The following LRR1 variants were observed in gnomAD, a reference collection of about 807,000 sequenced individuals.
LRR1 encodes the protein leucine-rich repeat protein 1.
LRR1 carries 29 observed loss-of-function variants against 31.6 expected under a neutral mutation model. The observed-to-expected ratio is 0.92, with a 90% CI of 0.68 to 1.25. The LOEUF (loss-of-function observed/expected upper bound fraction) is 1.25, where lower values mean the gene tolerates loss of function less well. Among genes scored for constraint, LRR1 ranks in the 50% most tolerant of loss-of-function variants. LRR1 has a pLI of 0.00. For missense variants in LRR1, 485 were observed against 487.2 expected (o/e 1.00, Z 0.04); for synonymous variants, 179 against 181.4 (o/e 0.99, Z 0.10).
At chr14:49,607,322 G>A (rs1385414146) in intron 2 of LRR1, 78 bp from the exon 3 acceptor site, 5 of 1,358,704 alleles carry the variant, frequency 3.7e-6, no homozygotes, top group African/African-American at 2.9e-5. Context: ...TAATGCCATA[G>A]AATTTGTTAT....
chr14:49,603,002 A>ATTTTTT (rs34024087), intron 2 of LRR1, among the ~76,000 whole-genome samples: 1 of 139,536 alleles, frequency 7.2e-6, no homozygotes. Flanking sequence ...TGCGTGGCTG[A>ATTTTTT]TTTTTTTTTT....
rs1207260929 is a variant in LRR1 at position 49,599,196 on chromosome 14, G to A, written c.176G>A (p.Arg59His). 1 of 1,604,104 alleles carries A rather than the reference G, an allele frequency of 6.2e-7. No homozygotes were observed. The highest frequency in any genetic ancestry group is 8.5e-7 in the Non-Finnish European group (1 of 1,175,794). The stretch of plus-strand genomic sequence containing the variant: ...ACCCTGAAGGACAAGCGCGGGACCC[G>A]CTATGAGGTGCGTGAAGTGGGCAGG... ...ISTLKDKRGT[R>H]YELRENIEQF... The change falls in exon 1 of 4, where the codon CGC becomes CAC. Residue 59 changes from arginine (R) to histidine (H), a missense_variant. By Grantham distance (29) the Arg-to-His change is conservative. Transcript: ENST00000298288.
intron 1 of LRR1, chr14:49,601,762 A>T: frequency 1.9e-5 from 19 of 990,356 alleles, no homozygotes; most frequent in Non-Finnish European, 2.5e-5. Context: ...TACTGGACAG[A>T]CAGAGCAGTA....
intron 3 of LRR1, chr14:49,612,588 A>T: frequency 8.6e-7 from 1 of 1,165,124 alleles, no homozygotes; most frequent in African/African-American, 1.6e-5. Flanking sequence ...AAAATTTAAA[A>T]ATTGCAAATA....
chr14:49,608,943 C>G (rs1347193770), intron 3 of LRR1, among the ~76,000 whole-genome samples: 2 of 110,198 alleles, frequency 1.8e-5, no homozygotes, highest in Admixed American at 2.8e-4. Context: ...GAGTCTCACT[C>G]TGTCGCCCAG....
chr14:49,603,456 A>T, intron 2 of LRR1: 1 of 283,238 alleles, frequency 3.5e-6, no homozygotes, highest in South Asian at 8.3e-5. Flanking sequence ...TGTTGTAATA[A>T]AAGAGGAAAA....
intron 2 of LRR1, among the ~76,000 whole-genome samples, chr14:49,603,902 C>G (rs1481982085): frequency 6.0e-5 from 9 of 150,178 alleles, no homozygotes; most frequent in African/African-American, 2.2e-4. Context: ...CATGTTGGCC[C>G]GGCTGGTCTC....
intron 2 of LRR1, among the ~76,000 whole-genome samples, chr14:49,603,829 A>G (rs576175664): frequency 3.3e-5 from 5 of 151,132 alleles, no homozygotes; most frequent in African/African-American, 1.2e-4. Context: ...AGTAGCTGGG[A>G]TTACAGGCAC....
intron 3 of LRR1, chr14:49,612,517 C>A (rs1566498013): frequency 8.0e-7 from 1 of 1,249,088 alleles, no homozygotes; most frequent in Non-Finnish European, 1.0e-6. Flanking sequence ...GGGAGACACT[C>A]CCTGGCAGAG....
intron 3 of LRR1, among the ~76,000 whole-genome samples, chr14:49,610,636 C>T (rs1882478632): frequency 6.6e-6 from 1 of 151,752 alleles, no homozygotes; most frequent in Non-Finnish European, 1.5e-5. Flanking sequence ...GATCTCAGCT[C>T]ACTGCAACCT....
Position 49,601,792 on chromosome 14 carries a change from T to C in LRR1, c.184-578T>C, listed in dbSNP as rs1882063496. The C allele has an allele frequency of 1.6e-5, 9 of 570,430 alleles. No homozygotes were observed. The South Asian group carries it at 1.8e-4, about 11-fold the overall frequency. The allele number at this position is 570,430 out of a possible 1,614,324, so 35.3% of individuals were successfully genotyped here. On this transcript the variant is annotated intron_variant, in intron 1 of 3. Transcript: ENST00000298288. ...GCAGTAACATCCACCACCAGCTAGA[T>C]GAGGAGTATAACTTCCCAACTGCTA...
chr14:49,609,080 AT>A (rs796423566), intron 3 of LRR1, among the ~76,000 whole-genome samples: 7 of 146,326 alleles, frequency 4.8e-5, no homozygotes, highest in South Asian at 2.2e-4. Flanking sequence ...CGCCTGGCTA[AT>A]TTTTTTTTTG....
At chr14:49,600,175 T>G in intron 1 of LRR1, 2 of 1,477,104 alleles carry the variant, frequency 1.4e-6, no homozygotes, top group African/African-American at 1.4e-5. Flanking sequence ...CTCCTAGGAC[T>G]CTATAACACC....
Position 49,614,485 on chromosome 14 carries a change from A to G in LRR1, c.1234A>G (p.Met412Val). 6.2e-7 allele frequency: 1 copy of G among 1,613,694 alleles called. No individual in the cohort carries two copies. ...AGGCTGTTATGTTAATTCCTCTGATATGTTAAAGTAATGGGTGAGACCAGA... is the reference window on the plus strand; with the variant it reads ...AGGCTGTTATGTTAATTCCTCTGATGTGTTAAAGTAATGGGTGAGACCAGA... ...SLGCYVNSSDMLK is the reference protein window; with the variant it reads ...SLGCYVNSSDVLK The change falls in exon 4 of 4, where the codon ATG becomes GTG. Residue 412 changes from methionine to valine, a missense_variant. Coordinates refer to ENST00000298288, the MANE Select transcript of LRR1 (RefSeq NM_152329.4).
In LRR1 at chr14:49,599,179, G is replaced by T. The variant is rs376200466; in HGVS notation, c.159G>T (p.Lys53Asn). 5.6e-6 allele frequency: 9 copies of T among 1,608,008 alleles called. No individual in the cohort carries two copies. The South Asian group carries it at 8.9e-5, about 16-fold the overall frequency. The change falls in exon 1 of 4, where the codon AAG (lysine) becomes AAT (asparagine). Residue 53 changes from lysine to asparagine, a missense_variant. Lys to Asn is a moderately conservative substitution (Grantham distance 94). Transcript: ENST00000298288. ...CCTTCCTGCTCATCTCCACCCTGAA[G>T]GACAAGCGCGGGACCCGCTATGAGG... ...VRAFLLISTL[K>N]DKRGTRYELR...
chr14:49,600,344 A>G (rs1882007205), intron 1 of LRR1: 1 of 1,545,510 alleles, frequency 6.5e-7, no homozygotes, highest in Admixed American at 1.7e-5. Context: ...TACCCTTTTT[A>G]TTAATAGGAG....
intron 2 of LRR1, chr14:49,603,596 GCT>G: frequency 9.3e-7 from 1 of 1,074,872 alleles, no homozygotes; most frequent in Non-Finnish European, 1.1e-6. Flanking sequence ...AGTGGGAAGA[GCT>G]TGGTTCACTG....
chr14:49,609,674 C>T (rs1163446958), intron 3 of LRR1, among the ~76,000 whole-genome samples: 1 of 151,108 alleles, frequency 6.6e-6, no homozygotes, highest in Admixed American at 6.6e-5. Context: ...CCCAAAGTGC[C>T]GGGATTACAG....
At chr14:49,609,332 T>A (rs1476028429) in intron 3 of LRR1, among the ~76,000 whole-genome samples, 1 of 148,108 alleles carries the variant, frequency 6.8e-6, no homozygotes, top group Non-Finnish European at 1.5e-5. Flanking sequence ...CTCAAGCAAC[T>A]CTTCTGCCTC....
Sources: allele counts gnomAD v4.1 joint callset (sites outside exome capture counted in the v4.1 genomes callset), GRCh38; gene constraint gnomAD v4.1.1; transcripts MANE v1.5; gene names NCBI Gene and HGNC (gene_info 2026-07-23, HGNC 2026-07-21).